ACSM2B: variants seen among roughly 807,000 people sequenced by gnomAD.
ACSM2B encodes acyl-CoA synthetase medium chain family member 2B, also known as acyl-coenzyme A synthetase ACSM2B, mitochondrial.
ACSM2B carries 58 observed loss-of-function variants against 78.6 expected under a neutral mutation model. The observed-to-expected ratio is 0.74, with a 90% CI of 0.60 to 0.92. ACSM2B has a LOEUF of 0.92. ACSM2B is among the 40% of genes least tolerant of loss of function. ACSM2B has a pLI of 0.00. For synonymous variants in ACSM2B, 257 were observed against 256.8 expected (o/e 1.00, Z -0.01); for missense variants, 688 against 711.2 (o/e 0.97, Z 0.37).
chr16:20,557,406 C>CA (rs1334124321), intron 3 of ACSM2B, among the ~76,000 whole-genome samples: 1 of 121,396 alleles, frequency 8.2e-6, no homozygotes, highest in Non-Finnish European at 1.6e-5. Context: ...GTTATTAGTT[C>CA]CCCCCCAATT....
intron 3 of ACSM2B, among the ~76,000 whole-genome samples, chr16:20,558,005 T>C (rs1401514873): frequency 2.0e-5 from 3 of 152,190 alleles, no homozygotes; most frequent in South Asian, 2.1e-4. Flanking sequence ...ACTAACTGTG[T>C]CCGTGCTTGG....
intron 3 of ACSM2B, among the ~76,000 whole-genome samples, 197 bp downstream of exon 3, chr16:20,559,037 ATTG>A (rs1471594763): frequency 4.6e-5 from 7 of 152,168 alleles, no homozygotes; most frequent in African/African-American, 1.4e-4. Flanking sequence ...AAACTATGTC[ATTG>A]TTGTTGTTCA....
At position 20,542,911 on chromosome 16, in the gene ACSM2B, C is replaced by A; in HGVS notation, c.1509+3G>T. 1 of 1,613,744 alleles carries A rather than the reference C, an allele frequency of 6.2e-7. No individual in the cohort carries two copies. The highest frequency in any genetic ancestry group is 8.5e-7 in the Non-Finnish European group (1 of 1,179,856). On this transcript the variant is annotated splice_donor_region_variant and intron_variant, in intron 12 of 13. Transcript: ENST00000329697. Reference sequence around the variant, plus strand: ...CACCCCCAGGCTACTGCTTCCCCATCACCTCTCCTCGGACGGGGTCTGGGC... The same window carrying A: ...CACCCCCAGGCTACTGCTTCCCCATAACCTCTCCTCGGACGGGGTCTGGGC...
In ACSM2B at chr16:20,543,031, C is replaced by T. The variant is rs2015040668; in HGVS notation, c.1410-18G>A. The T allele has an allele frequency of 6.2e-7, 1 of 1,613,540 alleles. No individual in the cohort carries two copies. Among genetic ancestry groups the T allele is most frequent in the Non-Finnish European group, 8.5e-7 (1 of 1,179,856 alleles). On this transcript the variant is annotated intron_variant, in intron 11 of 13. Coordinates refer to ENST00000329697, the MANE Select transcript of ACSM2B (RefSeq NM_001105069.2). ...TCCGGTACCTGCAGAAGAACCTGTC[C>T]TTCAGAGAACACTGGACACCGAACC... is the stretch of plus-strand genomic sequence containing the variant.
intron 9 of ACSM2B, among the ~76,000 whole-genome samples, chr16:20,546,178 G>T (rs1473213878): frequency 1.3e-5 from 2 of 152,106 alleles, no homozygotes; most frequent in African/African-American, 2.4e-5. Flanking sequence ...TTCAAAGTGA[G>T]TCCTTCTGGA....
intron 5 of ACSM2B, among the ~76,000 whole-genome samples, 160 bp downstream of exon 5, chr16:20,553,617 T>C (rs144302501): frequency 1.5e-3 from 231 of 152,360 alleles, no homozygotes; most frequent in Middle Eastern, 6.8e-3. Context: ...AGGTACTTGA[T>C]ACCCAGCATG....
chr16:20,560,289 C>T lies in ACSM2B; in HGVS notation c.178-842G>A, dbSNP rs180767867. 6.6e-5 allele frequency among the ~76,000 whole-genome samples: 10 copies of T among 151,872 alleles called. No homozygotes were observed. The East Asian group carries it at 9.7e-4, about 15-fold the overall frequency. On this transcript the variant is annotated intron_variant, in intron 2 of 13. Transcript: ENST00000329697. ...CCTCTCCAAGTCTCATGTTGAAATG[C>T]AATCCCCAATGTCAGAGGTGGGGCT...
intron 13 of ACSM2B, among the ~76,000 whole-genome samples, chr16:20,537,888 G>C (rs2014887629): frequency 6.6e-6 from 1 of 152,154 alleles, no homozygotes; most frequent in African/African-American, 2.4e-5. Flanking sequence ...TTAAGAATTA[G>C]GATACCTCAT....
Position 20,552,197 on chromosome 16 carries a change from C to G in ACSM2B, c.841G>C (p.Ala281Pro). ...GGCAAGAGATGAACAAATGTGCATG[C>G]TCCTAATGTCCAAGATTCCAAAAGT... ...GSLLESWTLG[A>P]CTFVHLLPKF... The change falls in exon 6 of 14, where the codon GCA becomes CCA. Residue 281 changes from alanine (A) to proline (P), a missense_variant. Ala to Pro is a conservative substitution (Grantham distance 27). Coordinates refer to ENST00000329697, the MANE Select transcript of ACSM2B (RefSeq NM_001105069.2). 1 of 1,613,860 alleles carries G rather than the reference C, an allele frequency of 6.2e-7. No individual in the cohort carries two copies. The highest frequency in any genetic ancestry group is 8.5e-7 in the Non-Finnish European group (1 of 1,179,814).
intron 9 of ACSM2B, 129 bp from the exon 10 acceptor site, chr16:20,545,387 A>C: frequency 9.4e-7 from 1 of 1,068,200 alleles, no homozygotes; most frequent in Non-Finnish European, 1.3e-6. Context: ...CGACAACCAA[A>C]AACCAAGGGA....
At chr16:20,543,326 G>A (rs1188224099) in intron 10 of ACSM2B, 64 bp from the exon 11 acceptor site, 1 of 1,610,364 alleles carries the variant, frequency 6.2e-7, no homozygotes, top group African/African-American at 1.3e-5. Flanking sequence ...CCCTGGGGCT[G>A]CCATGAACAA....
rs531708676 is a variant in ACSM2B, at chr16:20,560,811, A to C, written c.178-1364T>G. Reference sequence around the variant, plus strand: ...TTAGGCACTGGTTAAATAGTTGTGAACAAAATGCTGATAGAATTATGGACA... The same window carrying C: ...TTAGGCACTGGTTAAATAGTTGTGACCAAAATGCTGATAGAATTATGGACA... On this transcript the variant is annotated intron_variant, in intron 2 of 13. Coordinates refer to ENST00000329697, the MANE Select transcript of ACSM2B (RefSeq NM_001105069.2). Among the ~76,000 whole-genome samples, 236 of 152,162 alleles carry C rather than the reference A, an allele frequency of 1.6e-3. 3 individuals carry two copies. The highest frequency in any genetic ancestry group is 3.9e-3 in the Admixed American group (59 of 15,298).
intron 13 of ACSM2B, 52 bp from the exon 14 acceptor site, chr16:20,537,414 T>G (rs754132838): frequency 6.2e-7 from 1 of 1,602,884 alleles, no homozygotes; most frequent in African/African-American, 1.3e-5. Context: ...GACAGTGGGT[T>G]GCATTTTTCA....
At chr16:20,568,664 C>T (rs1248022077) in intron 1 of ACSM2B, among the ~76,000 whole-genome samples, 1 of 151,706 alleles carries the variant, frequency 6.6e-6, no homozygotes, top group Non-Finnish European at 1.5e-5. Context: ...AGTGGCTGTA[C>T]TAGCTTACAT....
intron 2 of ACSM2B, among the ~76,000 whole-genome samples, chr16:20,563,909 T>C (rs2015740933): frequency 6.6e-6 from 1 of 151,852 alleles, no homozygotes; most frequent in African/African-American, 2.4e-5. Flanking sequence ...GGATCAGCAG[T>C]GAATGGATTA....
intron 1 of ACSM2B, among the ~76,000 whole-genome samples, chr16:20,568,349 TATATC>T (rs1480987655): frequency 6.9e-6 from 1 of 145,706 alleles, no homozygotes; most frequent in Non-Finnish European, 1.5e-5. Flanking sequence ...TAATATATCA[TATATC>T]ATATATATCA....
chr16:20,563,473 A>AT (rs1596730656), intron 2 of ACSM2B, among the ~76,000 whole-genome samples: 2 of 151,966 alleles, frequency 1.3e-5, no homozygotes, highest in South Asian at 2.1e-4. Context: ...GAATTGAGAG[A>AT]TTTTTTGATG....
chr16:20,537,486 TG>T (rs2014876684), intron 13 of ACSM2B, 124 bp from the exon 14 acceptor site: 1 of 1,038,474 alleles, frequency 9.6e-7, no homozygotes, highest in South Asian at 1.5e-5. Flanking sequence ...AGCCGCCCTG[TG>T]CAATAAGAAG....
In ACSM2B at chr16:20,555,434, T is replaced by C. The variant is rs1203615663; in HGVS notation, c.431A>G (p.Asp144Gly). The C allele has an allele frequency of 4.3e-6, 7 of 1,613,586 alleles. No homozygotes were observed. The East Asian group carries it at 1.6e-4, about 36-fold the overall frequency. Residue 144 changes from aspartate to glycine, a missense_variant, in exon 4 of 14, where the codon GAC becomes GGC. Coordinates refer to ENST00000329697, the MANE Select transcript of ACSM2B (RefSeq NM_001105069.2). Reference sequence around the variant, plus strand: ...AGACATCTGCAACCTATACAGTATGTCAGTGGATTTCATCTGGATGGTTCC... The same window carrying C: ...AGACATCTGCAACCTATACAGTATGCCAGTGGATTTCATCTGGATGGTTCC... ...MPGTIQMKST[D>G]ILYRLQMSKA...
Sources: gnomAD v4.1 joint callset for allele counts (sites outside exome capture counted in the v4.1 genomes callset) on GRCh38, gnomAD v4.1.1 for gene constraint, MANE v1.5 for transcripts, NCBI Gene and HGNC (gene_info 2026-07-23, HGNC 2026-07-21) for gene names.